Variants in ABCB9 observed in about 807,000 individuals in gnomAD.
ABCB9 encodes ABC-type oligopeptide transporter ABCB9.
Under a neutral mutation model 62.0 loss-of-function variants are expected in ABCB9, and 36 were observed. The ratio of observed to expected loss-of-function variants is 0.58; its 90% CI spans 0.45 to 0.77. The LOEUF (loss-of-function observed/expected upper bound fraction) is 0.77, where lower values mean the gene tolerates loss of function less well. Ranked by LOEUF, ABCB9 falls within the 30% of genes least tolerant of loss-of-function variation. The pLI, the probability that ABCB9 is intolerant of heterozygous loss-of-function variation, is 0.00. For missense variants in ABCB9, 943 were observed against 1,054.7 expected, an observed-to-expected ratio of 0.89 and a Z score of 1.47; for synonymous variants, 435 against 461.4, an observed-to-expected ratio of 0.94 and a Z score of 0.73.
upstream of ABCB9, among the ~76,000 whole-genome samples, chr12:122,968,129 G>A (rs1358876425): frequency 6.6e-6 from 1 of 152,124 alleles, no homozygotes; most frequent in Non-Finnish European, 1.5e-5. Flanking sequence ...CCTCCTAAAT[G>A]TATTGAGTAA....
At position 122,930,321 on chromosome 12, in the gene ABCB9, C is replaced by T. The variant is rs1000630102; in HGVS notation, c.2041-150G>A. On this transcript the variant is annotated intron_variant, in intron 11 of 11. Transcript: ENST00000280560. This position sits in a 1 kb window ranked among gnomAD's most constrained non-coding sequence, Gnocchi z 4.9. The stretch of plus-strand genomic sequence containing the variant: ...TTCCTGGGTTTTTCTTAAAGGGAGA[C>T]AGCTCAGGGCCAGACACAATGAGGC... 7.8e-6 allele frequency: 6 copies of T among 774,040 alleles called. No homozygotes were observed. Among genetic ancestry groups the T allele is most frequent in the Non-Finnish European group, 1.2e-5 (6 of 498,210 alleles). The allele number at this position is 774,040 out of a possible 1,614,324, so 47.9% of individuals were successfully genotyped here.
chr12:122,959,983 C>T lies in ABCB9; in HGVS notation c.253G>A (p.Val85Ile), dbSNP rs865975482. 1.2e-6 allele frequency: 2 copies of T among 1,613,144 alleles called. No individual in the cohort carries two copies. Among genetic ancestry groups the T allele is most frequent in the East Asian group, 2.2e-5 (1 of 44,894 alleles). Residue 85 changes from valine (V) to isoleucine (I), a missense_variant, in exon 2 of 12, where the codon GTC (valine) becomes ATC (isoleucine). Val to Ile is a conservative substitution (Grantham distance 29). Coordinates refer to ENST00000280560, the MANE Select transcript of ABCB9 (RefSeq NM_019625.4). This position sits in a 1 kb window ranked among gnomAD's most constrained non-coding sequence, Gnocchi z 5.4. ...GPRRLRASWL[V>I]ITLVCLFVGI... is the part of the protein sequence containing the mutation. The stretch of plus-strand genomic sequence containing the variant: ...ACGAAGAGGCACACGAGGGTGATGA[C>T]CAGCCACGAGGCCCGCAGCCGCCGG...
At chr12:122,924,829 G>A (rs2034846530), downstream of ABCB9, 1 of 1,534,310 alleles carries the variant, frequency 6.5e-7, no homozygotes, top group African/African-American at 1.4e-5. Context: ...GACAGAAGGA[G>A]GACAGTGACA....
At chr12:122,945,759 T>A (rs1458257120) in intron 6 of ABCB9, among the ~76,000 whole-genome samples, 5 of 151,226 alleles carry the variant, frequency 3.3e-5, no homozygotes, top group Non-Finnish European at 5.9e-5. Context: ...GCGCCTGTGG[T>A]CCCAGCTATG....
At chr12:122,951,008 ATTTT>A (rs1178686841) in intron 2 of ABCB9, 4 of 123,760 alleles carry the variant, frequency 3.2e-5, no homozygotes, top group African/African-American at 9.1e-5. Context: ...TGCCAGGCTA[ATTTT>A]TTTTTTTTTT....
intron 2 of ABCB9, among the ~76,000 whole-genome samples, chr12:122,955,217 C>T (rs1594055493): frequency 6.6e-6 from 1 of 152,236 alleles, no homozygotes; most frequent in Non-Finnish European, 1.5e-5. Flanking sequence ...AGGTTAATAA[C>T]TTGCCTAAAG....
rs1395023695 is a variant in ABCB9, at chr12:122,944,905, C to T, written c.1252-386G>A. Among the ~76,000 whole-genome samples the T allele has an allele frequency of 6.6e-6, 1 of 152,240 alleles. No homozygotes were observed. Among genetic ancestry groups the T allele is most frequent in the Non-Finnish European group, 1.5e-5 (1 of 68,040 alleles). On this transcript the variant is annotated intron_variant, in intron 6 of 11. Transcript: ENST00000280560. This position sits in a 1 kb window ranked among gnomAD's most constrained non-coding sequence, Gnocchi z 4.9. ...AGGTCACACAGTGAGCTCTCTGTCT[C>T]CTCCCCCAGTGGGGTTCCGTGAAGA... is the stretch of plus-strand genomic sequence containing the variant.
At chr12:122,952,209 G>T (rs1031155865) in intron 2 of ABCB9, 1 of 152,220 alleles carries the variant, frequency 6.6e-6, no homozygotes, top group African/African-American at 2.4e-5. Flanking sequence ...CCCAGTCTGT[G>T]GTATTTTGTT....
chr12:122,927,119 G>A (rs1422503850), downstream of ABCB9, among the ~76,000 whole-genome samples: 2 of 152,054 alleles, frequency 1.3e-5, no homozygotes, highest in Non-Finnish European at 2.9e-5. Flanking sequence ...GGGGCATAAG[G>A]GAACTTTCTG....
intron 7 of ABCB9, among the ~76,000 whole-genome samples, chr12:122,943,790 T>C (rs910070355): frequency 5.3e-5 from 8 of 151,526 alleles, no homozygotes; most frequent in Non-Finnish European, 1.2e-4. Context: ...CTTTCTTTCT[T>C]TTTGAGACAC....
chr12:122,935,217 T>C, intron 10 of ABCB9, 55 bp downstream of exon 10: 1 of 1,518,138 alleles, frequency 6.6e-7, no homozygotes, highest in Non-Finnish European at 8.8e-7. Context: ...CAGAGGGTTA[T>C]GTCCCTGAGG....
rs779952820 is a variant in ABCB9, at chr12:122,944,280, G to C, written c.1380+111C>G. 1.4e-5 allele frequency: 21 copies of C among 1,460,238 alleles called. No individual in the cohort carries two copies. Among genetic ancestry groups the C allele is most frequent in the Non-Finnish European group, 1.9e-5 (21 of 1,085,662 alleles). The allele number at this position is 1,460,238 out of a possible 1,614,324, so 90.5% of individuals were successfully genotyped here. ...TGCTGTCTCCCCTACTTACCTTAGA[G>C]AGAAATACCACATTGTCAGAGTCCC... On this transcript the variant is annotated intron_variant, in intron 7 of 11. Transcript: ENST00000280560. This position sits in a 1 kb window ranked among gnomAD's most constrained non-coding sequence, Gnocchi z 4.9.
downstream of ABCB9, chr12:122,924,711 T>G: frequency 6.5e-7 from 1 of 1,530,656 alleles, no homozygotes; most frequent in South Asian, 1.2e-5. Flanking sequence ...CTCTTCATTC[T>G]CTCTCATCCC....
At chr12:122,935,503 G>T (rs1284271711) in intron 9 of ABCB9, 72 bp from the exon 10 acceptor site, 20 of 1,537,160 alleles carry the variant, frequency 1.3e-5, no homozygotes, top group Non-Finnish European at 1.7e-5. Flanking sequence ...CAGCCTTGCT[G>T]CCTGGGGCCT....
At chr12:122,962,909 T>C (rs755856194) in intron 1 of ABCB9, among the ~76,000 whole-genome samples, 1 of 152,200 alleles carries the variant, frequency 6.6e-6, no homozygotes, top group Non-Finnish European at 1.5e-5. Flanking sequence ...ACACAGCTTC[T>C]GAATAGCAGA....
chr12:122,943,618 T>C (rs941468550), intron 7 of ABCB9, among the ~76,000 whole-genome samples: 10 of 152,158 alleles, frequency 6.6e-5, no homozygotes, highest in Non-Finnish European at 1.0e-4. Flanking sequence ...TTGTTGGTAG[T>C]ATTATCATTC....
chr12:122,936,319 C>T (rs1368848547), intron 9 of ABCB9, among the ~76,000 whole-genome samples: 5 of 152,124 alleles, frequency 3.3e-5, no homozygotes, highest in Non-Finnish European at 5.9e-5. Context: ...ATTTACTAAA[C>T]TGTTAACACT....
At chr12:122,971,565 C>T (rs897171503) in intron 1 of ABCB9, among the ~76,000 whole-genome samples, 2 of 151,978 alleles carry the variant, frequency 1.3e-5, no homozygotes, top group Non-Finnish European at 2.9e-5. Context: ...GTGATTCTCC[C>T]ACCTCAGCCT....
chr12:122,947,450 C>G lies in ABCB9; in HGVS notation c.1053+1174G>C. ...TCTCAGGTCACCAACACCAAAGGCT[C>G]CAATGGAGCTGCGACAATGACTTAC... On this transcript the variant is annotated intron_variant, in intron 5 of 11. Coordinates refer to ENST00000280560, the MANE Select transcript of ABCB9 (RefSeq NM_019625.4). The surrounding 1 kb of genome is among the most constrained non-coding windows in gnomAD (Gnocchi z 6.0). The G allele has an allele frequency of 2.2e-6, 1 of 453,190 alleles. No homozygotes were observed. The allele number at this position is 453,190 out of a possible 1,614,324, so 28.1% of individuals were successfully genotyped here.
Sources: allele counts gnomAD v4.1 joint callset (sites outside exome capture counted in the v4.1 genomes callset), GRCh38; gene constraint gnomAD v4.1.1; non-coding constraint Gnocchi (gnomAD v3.1); transcripts MANE v1.5; gene names NCBI Gene and HGNC (gene_info 2026-07-23, HGNC 2026-07-21).